Variants in TMEM266 observed in about 807,000 individuals in gnomAD.
TMEM266 encodes transmembrane protein 266.
Under a neutral mutation model 50.5 loss-of-function variants are expected in TMEM266, and 33 were observed. The observed-to-expected ratio is 0.65, with a 90% CI of 0.50 to 0.87. The LOEUF (loss-of-function observed/expected upper bound fraction) is 0.87, where lower values mean the gene tolerates loss of function less well. TMEM266 is among the 40% of genes least tolerant of loss of function. The pLI, the probability that TMEM266 is intolerant of heterozygous loss-of-function variation, is 0.00. For synonymous variants in TMEM266, 310 were observed against 292.3 expected (o/e 1.06, Z -0.62); for missense variants, 655 against 695.1 (o/e 0.94, Z 0.65).
At chr15:76,076,869 A>G (rs1235091413) in intron 1 of TMEM266, among the ~76,000 whole-genome samples, 1 of 152,150 alleles carries the variant, frequency 6.6e-6, no homozygotes, top group African/African-American at 2.4e-5. Flanking sequence ...ATTCATTGCC[A>G]GAAGTAATTC....
intron 1 of TMEM266, among the ~76,000 whole-genome samples, chr15:76,086,159 G>C (rs1336519720): frequency 6.6e-6 from 1 of 152,160 alleles, no homozygotes; most frequent in Non-Finnish European, 1.5e-5. Context: ...CAAACTATGG[G>C]ATACCCATAC....
intron 3 of TMEM266, among the ~76,000 whole-genome samples, chr15:76,140,066 C>A (rs990928244): frequency 3.9e-5 from 6 of 152,236 alleles, no homozygotes; most frequent in African/African-American, 1.4e-4. Flanking sequence ...AAGGTTCCTT[C>A]CCAAACAAAC....
intron 8 of TMEM266, among the ~76,000 whole-genome samples, chr15:76,188,651 C>A (rs1267906634): frequency 6.6e-6 from 1 of 152,134 alleles, no homozygotes; most frequent in Non-Finnish European, 1.5e-5. Context: ...TGTGAGAATT[C>A]ACTCACTATC....
chr15:76,074,158 C>T (rs754700034), intron 1 of TMEM266, among the ~76,000 whole-genome samples: 1 of 152,090 alleles, frequency 6.6e-6, no homozygotes, highest in South Asian at 2.1e-4. Context: ...CATCTATAAT[C>T]CTACTACCCA....
At chr15:76,180,381 G>C (rs535770676) in intron 8 of TMEM266, among the ~76,000 whole-genome samples, 38 of 152,234 alleles carry the variant, frequency 2.5e-4, no homozygotes, top group African/African-American at 9.1e-4. Context: ...TGTTTTACAG[G>C]ATGCCCCTCT....
chr15:76,102,199 C>G (rs2037011127), intron 1 of TMEM266, among the ~76,000 whole-genome samples: 1 of 152,202 alleles, frequency 6.6e-6, no homozygotes, highest in Admixed American at 6.5e-5. Flanking sequence ...CATTTAACAA[C>G]TATTTCTTGA....
chr15:76,142,187 A>C (rs1298198750), intron 3 of TMEM266, among the ~76,000 whole-genome samples: 2 of 152,184 alleles, frequency 1.3e-5, no homozygotes, highest in East Asian at 3.9e-4. Flanking sequence ...TCAGCAGTTC[A>C]AGAGCAGCCT....
intron 5 of TMEM266, among the ~76,000 whole-genome samples, chr15:76,167,108 G>A (rs2038109456): frequency 6.6e-6 from 1 of 152,170 alleles, no homozygotes; most frequent in East Asian, 1.9e-4. Context: ...TATGGCTATT[G>A]TAGCATTTCA....
chr15:76,203,833 G>T lies in TMEM266; in HGVS notation c.1114G>T (p.Asp372Tyr). The change falls in exon 11 of 11, where the codon GAC (aspartate) becomes TAC (tyrosine). Residue 372 changes from aspartate to tyrosine, a missense_variant. Asp to Tyr is a radical substitution (Grantham distance 160). This residue lies in a region of TMEM266 where 455 missense variants were observed against 401.8 expected (regional missense o/e 1.13). Coordinates refer to ENST00000388942, the MANE Select transcript of TMEM266 (RefSeq NM_152335.3). ...CATCTCCTCGGACCTCTTCTCTCTG[G>T]ACATGCCCCTCAAACTCGGCGGTAA... 1 of 1,614,194 alleles carries T rather than the reference G, an allele frequency of 6.2e-7. No individual in the cohort carries two copies. The highest frequency in any genetic ancestry group is 8.5e-7 in the Non-Finnish European group (1 of 1,180,030).
rs752822049 is a variant in TMEM266 at position 76,204,120 on chromosome 15, CCCAGCGGGCTCGGCCCAAA to C, written c.1407_1425del (p.Gly470ProfsTer7). 1.9e-6 allele frequency: 3 copies of C among 1,613,056 alleles called. No individual in the cohort carries two copies. The highest frequency in any genetic ancestry group is 3.3e-5 in the Admixed American group (2 of 60,028). On this transcript the variant is annotated frameshift_variant, in exon 11 of 11. Transcript: ENST00000388942. LOFTEE classifies it high-confidence loss of function. ...ACCCAGCCCCCCTCGCCCGGCCCAGCCCAGCGGGCTCGGCCCAAACCAGCCCCGAGCTGGAACACAGGGT... is the reference window on the plus strand; with the variant it reads ...ACCCAGCCCCCCTCGCCCGGCCCAGCCCAGCCCCGAGCTGGAACACAGGGT...
intron 1 of TMEM266, among the ~76,000 whole-genome samples, chr15:76,127,577 C>T (rs11856573): frequency 0.012 from 1,854 of 152,198 alleles, 37 homozygotes; most frequent in African/African-American, 0.043. Flanking sequence ...CCACCCACCT[C>T]AGCCTCCCAA....
chr15:76,191,867 C>T (rs2038576992), intron 8 of TMEM266, 101 bp from the exon 9 acceptor site: 1 of 1,138,894 alleles, frequency 8.8e-7, no homozygotes, highest in Non-Finnish European at 1.2e-6. Context: ...CCCAGTCCTC[C>T]CCACCCCGCC....
rs376164292 is a variant in TMEM266 at position 76,143,876 on chromosome 15, G to GTC, written c.227+5995_227+5996dup. ...ATTCAAAGTCGTGTCTCTAGCCTAG[G>GTC]TCTCTCTCTCTCTCTAACACTCCCG... On this transcript the variant is annotated intron_variant, in intron 3 of 10. Transcript: ENST00000388942. Among the ~76,000 whole-genome samples the GTC allele has an allele frequency of 2.6e-5, 4 of 151,380 alleles. No homozygotes were observed. In the South Asian group the frequency reaches 6.3e-4, roughly 24 times the overall value.
chr15:76,165,087 A>C (rs1219373206), intron 5 of TMEM266, among the ~76,000 whole-genome samples: 3 of 152,272 alleles, frequency 2.0e-5, no homozygotes, highest in African/African-American at 7.2e-5. Flanking sequence ...CTCAGGCAGC[A>C]GGAAGGGGCA....
At chr15:76,195,909 G>C (rs1210794778) in intron 9 of TMEM266, among the ~76,000 whole-genome samples, 3 of 152,232 alleles carry the variant, frequency 2.0e-5, no homozygotes, top group East Asian at 1.9e-4. Flanking sequence ...CACATTCTAG[G>C]AGTGCTCTGA....
At chr15:76,196,151 A>G (rs2038652837) in intron 9 of TMEM266, among the ~76,000 whole-genome samples, 1 of 152,222 alleles carries the variant, frequency 6.6e-6, no homozygotes, top group South Asian at 2.1e-4. Context: ...TGGATAGGGC[A>G]GGCCCAGGCC....
intron 4 of TMEM266, among the ~76,000 whole-genome samples, chr15:76,157,834 A>T (rs966634863): frequency 6.6e-6 from 1 of 152,098 alleles, no homozygotes; most frequent in East Asian, 1.9e-4. Flanking sequence ...AAAAAAATTT[A>T]AAAATTTCCC....
At chr15:76,090,154 G>A (rs540222246) in intron 1 of TMEM266, among the ~76,000 whole-genome samples, 1 of 152,242 alleles carries the variant, frequency 6.6e-6, no homozygotes, top group South Asian at 2.1e-4. Context: ...GAGAAAGACC[G>A]TCAGTGGGTA....
At chr15:76,154,523 GA>G (rs1156230347) in intron 3 of TMEM266, among the ~76,000 whole-genome samples, 2 of 151,974 alleles carry the variant, frequency 1.3e-5, no homozygotes, top group East Asian at 3.9e-4. Flanking sequence ...TCCCTTAATG[GA>G]AAACCCTCTC....
Sources: gnomAD v4.1 joint callset for allele counts (sites outside exome capture counted in the v4.1 genomes callset) on GRCh38, gnomAD v4.1.1 for gene constraint, gnomAD v4.1.1 regional missense constraint, MANE v1.5 for transcripts, NCBI Gene and HGNC (gene_info 2026-07-23, HGNC 2026-07-21) for gene names.